CEP112: variants seen among roughly 807,000 people sequenced by gnomAD.
The protein encoded by CEP112 is centrosomal protein of 112 kDa.
CEP112 carries 127 observed loss-of-function variants against 153.0 expected under a neutral mutation model. That is an observed-to-expected ratio of 0.83 (90% CI 0.72 to 0.96). The LOEUF is 0.96. Ranked by LOEUF, CEP112 falls within the 40% of genes least tolerant of loss-of-function variation. The pLI is 0.00. For synonymous variants in CEP112, 358 were observed against 374.4 expected, an observed-to-expected ratio of 0.96 and a Z score of 0.51; for missense variants, 1,089 against 1,101.2, an observed-to-expected ratio of 0.99 and a Z score of 0.16.
At chr17:65,821,151 C>T (rs1468727128) in intron 21 of CEP112, among the ~76,000 whole-genome samples, 2 of 151,340 alleles carry the variant, frequency 1.3e-5, no homozygotes, top group Non-Finnish European at 1.5e-5. Flanking sequence ...ATGCTCTACA[C>T]CTGGCTGGGT....
At chr17:66,098,084 G>A (rs796995329) in intron 6 of CEP112, among the ~76,000 whole-genome samples, 2 of 152,276 alleles carry the variant, frequency 1.3e-5, no homozygotes, top group African/African-American at 2.4e-5. Context: ...ACTGAGTTTT[G>A]GCAATTAAAG....
chr17:65,850,278 C>A (rs1485288448), intron 21 of CEP112, among the ~76,000 whole-genome samples: 2 of 151,462 alleles, frequency 1.3e-5, no homozygotes, highest in African/African-American at 2.4e-5. Context: ...TTAGCCTGAA[C>A]ATGTCCCGAG....
intron 17 of CEP112, among the ~76,000 whole-genome samples, chr17:65,972,800 C>T (rs1247528045): frequency 1.3e-5 from 2 of 152,242 alleles, no homozygotes; most frequent in Non-Finnish European, 2.9e-5. Flanking sequence ...CGGAGTCTCA[C>T]TCTTGCCCAG....
intron 9 of CEP112, among the ~76,000 whole-genome samples, chr17:66,068,092 T>C (rs1224054168): frequency 6.6e-6 from 1 of 152,224 alleles, no homozygotes. Context: ...AAGTTTTAAA[T>C]GTAATCATTT....
chr17:65,794,387 A>G (rs1160247747), intron 21 of CEP112, among the ~76,000 whole-genome samples: 5 of 152,198 alleles, frequency 3.3e-5, no homozygotes, highest in Non-Finnish European at 7.3e-5. Flanking sequence ...AGAATAAGCT[A>G]CTTCTCAAGC....
At chr17:65,772,389 A>C (rs1338055860) in intron 21 of CEP112, among the ~76,000 whole-genome samples, 1 of 152,196 alleles carries the variant, frequency 6.6e-6, no homozygotes, top group Non-Finnish European at 1.5e-5. Context: ...ACAAATTACC[A>C]ATATCAGAAA....
chr17:66,095,428 A>G (rs542286397), intron 8 of CEP112, among the ~76,000 whole-genome samples: 1 of 152,318 alleles, frequency 6.6e-6, no homozygotes, highest in South Asian at 2.1e-4. Context: ...CAGAAAGGCA[A>G]ATACCACATG....
chr17:65,893,551 G>C (rs1471341581), intron 20 of CEP112, among the ~76,000 whole-genome samples: 1 of 152,012 alleles, frequency 6.6e-6, no homozygotes, highest in Non-Finnish European at 1.5e-5. Flanking sequence ...TTTAATATTT[G>C]TTTCAACTAA....
At chr17:66,187,632 G>A (rs1384871539) in intron 1 of CEP112, among the ~76,000 whole-genome samples, 1 of 152,148 alleles carries the variant, frequency 6.6e-6, no homozygotes, top group Non-Finnish European at 1.5e-5. Flanking sequence ...GGACTCTCCA[G>A]TGCTCTTTCC....
rs1319327207 is a variant in CEP112, at chr17:66,029,173, C to T, written c.1453G>A (p.Asp485Asn). The change falls in exon 14 of 27, where the codon GAT becomes AAT. Residue 485 changes from aspartate to asparagine, a missense_variant. Transcript: ENST00000535342. Reference sequence around the variant, plus strand: ...TGTTTTAGAAGGTTTATATCAGCATCATATTTGGTTTGTAACAGTTTCATG... The same window carrying T: ...TGTTTTAGAAGGTTTATATCAGCATTATATTTGGTTTGTAACAGTTTCATG... ...QNMKLLQTKY[D>N]ADINLLKQEH... 2.5e-6 allele frequency: 4 copies of T among 1,609,476 alleles called. No individual in the cohort carries two copies. The highest frequency in any genetic ancestry group is 3.3e-5 in the Admixed American group (2 of 59,876).
chr17:66,143,562 A>T (rs1452939716), intron 4 of CEP112, among the ~76,000 whole-genome samples: 1 of 152,244 alleles, frequency 6.6e-6, no homozygotes, highest in Admixed American at 6.5e-5. Context: ...TCTGTCTCAA[A>T]GAAATTCGTG....
intron 24 of CEP112, among the ~76,000 whole-genome samples, chr17:65,671,695 G>A (rs895938343): frequency 3.9e-5 from 6 of 152,132 alleles, no homozygotes; most frequent in Non-Finnish European, 8.8e-5. Context: ...GTGTGTGTAT[G>A]TGTGTGTGTA....
rs192314771 is a variant in CEP112, at chr17:66,060,110, C to T, written c.1074+2853G>A. Among the ~76,000 whole-genome samples the T allele has an allele frequency of 2.2e-3, 342 of 152,102 alleles. 3 individuals carry two copies. Among genetic ancestry groups the T allele is most frequent in the South Asian group, 7.5e-3 (36 of 4,814 alleles). On this transcript the variant is annotated intron_variant, in intron 11 of 26. Coordinates refer to ENST00000535342, the MANE Select transcript of CEP112 (RefSeq NM_001199165.4). Reference sequence around the variant, plus strand: ...ACATTGGTATATATGGACATAAAAACAGGAACAATAGACACTGGGGACTCC... The same window carrying T: ...ACATTGGTATATATGGACATAAAAATAGGAACAATAGACACTGGGGACTCC...
chr17:65,800,082 C>T (rs914888087), intron 21 of CEP112, among the ~76,000 whole-genome samples: 3 of 152,112 alleles, frequency 2.0e-5, no homozygotes, highest in African/African-American at 7.2e-5. Flanking sequence ...TTCAATATTA[C>T]TAACTGCCTT....
chr17:65,696,163 A>G (rs2048343965), intron 23 of CEP112, among the ~76,000 whole-genome samples: 1 of 152,124 alleles, frequency 6.6e-6, no homozygotes, highest in Non-Finnish European at 1.5e-5. Flanking sequence ...CCTTTTAGAG[A>G]GTTTCAAAGC....
chr17:65,696,236 C>G (rs559637465), intron 23 of CEP112, among the ~76,000 whole-genome samples: 1 of 152,128 alleles, frequency 6.6e-6, no homozygotes, highest in Admixed American at 6.5e-5. Flanking sequence ...TATGTTGTTA[C>G]GTCTTGGTAA....
chr17:65,787,847 C>T lies in CEP112; in HGVS notation c.2395-37123G>A, dbSNP rs9889223. 4.6e-3 allele frequency among the ~76,000 whole-genome samples: 706 copies of T among 152,280 alleles called. 6 individuals are homozygous for T. Among genetic ancestry groups the T allele is most frequent in the African/African-American group, 0.016 (665 of 41,564 alleles). ...TTTATGTATAGATTTTATGTACAGACAATCATATCATCAGTGAATAATATC... is the reference window on the plus strand; with the variant it reads ...TTTATGTATAGATTTTATGTACAGATAATCATATCATCAGTGAATAATATC... On this transcript the variant is annotated intron_variant, in intron 21 of 26. Coordinates refer to ENST00000535342, the MANE Select transcript of CEP112 (RefSeq NM_001199165.4).
intron 8 of CEP112, among the ~76,000 whole-genome samples, chr17:66,070,984 C>T (rs556516540): frequency 6.6e-6 from 1 of 152,160 alleles, no homozygotes; most frequent in Admixed American, 6.5e-5. Context: ...AATGACCATA[C>T]CCAGGACAAT....
intron 24 of CEP112, among the ~76,000 whole-genome samples, chr17:65,647,712 G>T (rs1407329775): frequency 6.6e-6 from 1 of 150,794 alleles, no homozygotes; most frequent in African/African-American, 2.4e-5. Flanking sequence ...CAAACTCCTG[G>T]GCTCAAGTGA....
Sources: gnomAD v4.1 joint callset for allele counts (sites outside exome capture counted in the v4.1 genomes callset) on GRCh38, gnomAD v4.1.1 for gene constraint, MANE v1.5 for transcripts, NCBI Gene and HGNC (gene_info 2026-07-23, HGNC 2026-07-21) for gene names.